The following NEGR1 variants were observed in gnomAD, a reference collection of about 807,000 sequenced individuals.
NEGR1 encodes the protein IgLON family member 4.
NEGR1 carries 10 observed loss-of-function variants against 40.9 expected under a neutral mutation model. The ratio of observed to expected loss-of-function variants is 0.24; its 90% CI spans 0.15 to 0.42. The LOEUF (loss-of-function observed/expected upper bound fraction) is 0.42, where lower values mean the gene tolerates loss of function less well. NEGR1 is among the 10% of genes least tolerant of loss of function. NEGR1 has a pLI of 1.00. For synonymous variants in NEGR1, 185 were observed against 166.8 expected (o/e 1.11, Z -0.84); for missense variants, 352 against 438.9 (o/e 0.80, Z 1.77).
chr1:71,612,421 T>C (rs1650293222), intron 4 of NEGR1, among the ~76,000 whole-genome samples: 1 of 152,100 alleles, frequency 6.6e-6, no homozygotes, highest in Non-Finnish European at 1.5e-5. Context: ...TTTTTTTTTA[T>C]CCTTCACATA....
At chr1:71,948,496 TGAGAGAGA>T (rs200382559) in intron 1 of NEGR1, among the ~76,000 whole-genome samples, 3 of 148,502 alleles carry the variant, frequency 2.0e-5, no homozygotes, top group African/African-American at 7.4e-5. Context: ...TGTGTGTGTG[TGAGAGAGA>T]GAGAGAGAGA....
chr1:72,173,313 T>A, intron 1 of NEGR1, among the ~76,000 whole-genome samples: 1 of 69,548 alleles, frequency 1.4e-5, no homozygotes, highest in African/African-American at 4.2e-5. Flanking sequence ...AGCCTGAAGG[T>A]CAAATTGTTA....
chr1:71,706,042 T>G (rs140144922), intron 3 of NEGR1, among the ~76,000 whole-genome samples: 111 of 152,308 alleles, frequency 7.3e-4, no homozygotes, highest in African/African-American at 2.5e-3. Context: ...GTACCTGGTT[T>G]TAACTTCATA....
At chr1:71,712,531 C>T (rs1052683655) in intron 3 of NEGR1, among the ~76,000 whole-genome samples, 1 of 152,100 alleles carries the variant, frequency 6.6e-6, no homozygotes, top group African/African-American at 2.4e-5. Flanking sequence ...TCTGTACTCC[C>T]AGTTCTGGCC....
intron 1 of NEGR1, among the ~76,000 whole-genome samples, chr1:72,239,251 C>G (rs1383722919): frequency 6.6e-6 from 1 of 151,790 alleles, no homozygotes; most frequent in African/African-American, 2.4e-5. Flanking sequence ...ATCAAAGATG[C>G]TTTATCCCTA....
intron 5 of NEGR1, among the ~76,000 whole-genome samples, chr1:71,600,973 C>T (rs375017499): frequency 6.2e-4 from 94 of 152,304 alleles, no homozygotes; most frequent in African/African-American, 2.1e-3. Flanking sequence ...GTGTTCCAGC[C>T]TCAGCCAGTG....
At chr1:71,681,641 T>C (rs1471035021) in intron 4 of NEGR1, among the ~76,000 whole-genome samples, 2 of 152,208 alleles carry the variant, frequency 1.3e-5, no homozygotes, top group African/African-American at 4.8e-5. Flanking sequence ...AATTTTAAAA[T>C]AAACCTGGAA....
At chr1:72,050,489 A>T (rs1328175458) in intron 1 of NEGR1, among the ~76,000 whole-genome samples, 1 of 151,540 alleles carries the variant, frequency 6.6e-6, no homozygotes, top group Non-Finnish European at 1.5e-5. Flanking sequence ...ACCTTAAAGA[A>T]TTGCTTTATT....
At chr1:72,138,959 T>C (rs1039471987) in intron 1 of NEGR1, among the ~76,000 whole-genome samples, 1 of 152,002 alleles carries the variant, frequency 6.6e-6, no homozygotes. Context: ...GTCATAAAAA[T>C]GTCTCAATAA....
chr1:72,210,001 G>A (rs1212859774), intron 1 of NEGR1, among the ~76,000 whole-genome samples: 4 of 151,780 alleles, frequency 2.6e-5, no homozygotes, highest in Non-Finnish European at 4.4e-5. Flanking sequence ...TTATTCACTT[G>A]TATAAAATAA....
rs1646251409 is a variant in NEGR1, at chr1:71,402,259, A to G, written c.*5187T>C. On this transcript the variant is annotated 3_prime_UTR_variant, in exon 7 of 7. Coordinates refer to ENST00000357731, the MANE Select transcript of NEGR1 (RefSeq NM_173808.3). ...TAATATTTTCTCCTTTAAGTATTTG[A>G]AAGTGTTGAGAAAGCCACAATAGCA... The G allele has an allele frequency of 1.3e-5, 2 of 152,202 alleles. No individual in the cohort carries two copies. Among genetic ancestry groups the G allele is most frequent in the South Asian group, 4.1e-4 (2 of 4,830 alleles). The allele number at this position is 152,202 out of a possible 1,614,324, so 9.4% of individuals were successfully genotyped here.
chr1:71,481,540 A>T (rs1440128470), intron 6 of NEGR1, among the ~76,000 whole-genome samples: 1 of 151,918 alleles, frequency 6.6e-6, no homozygotes, highest in Non-Finnish European at 1.5e-5. Context: ...ATATTAAAAT[A>T]AAACAAAATT....
At chr1:72,016,223 A>G (rs547993222) in intron 1 of NEGR1, among the ~76,000 whole-genome samples, 1 of 152,178 alleles carries the variant, frequency 6.6e-6, no homozygotes, top group South Asian at 2.1e-4. Flanking sequence ...TGTTAAAAAA[A>G]TATAAGTGTA....
At chr1:71,479,612 G>A (rs188582715) in intron 6 of NEGR1, among the ~76,000 whole-genome samples, 6 of 151,982 alleles carry the variant, frequency 3.9e-5, no homozygotes, top group East Asian at 1.9e-4. Context: ...GTAAATATAC[G>A]CTTAAGGGAG....
chr1:71,588,341 A>G (rs1418019344), intron 6 of NEGR1, among the ~76,000 whole-genome samples: 2 of 152,132 alleles, frequency 1.3e-5, no homozygotes, highest in African/African-American at 4.8e-5. Flanking sequence ...ACTGTCATCC[A>G]TTATAAATTT....
intron 1 of NEGR1, among the ~76,000 whole-genome samples, chr1:72,269,518 C>T (rs998528010): frequency 2.6e-5 from 4 of 151,622 alleles, no homozygotes; most frequent in Non-Finnish European, 5.9e-5. Context: ...GACACACAGG[C>T]CTAGGATCAA....
chr1:71,442,370 T>G (rs971684083), intron 6 of NEGR1, among the ~76,000 whole-genome samples: 1 of 152,020 alleles, frequency 6.6e-6, no homozygotes, highest in Non-Finnish European at 1.5e-5. Flanking sequence ...ATACCAGCAC[T>G]TTGGGAGGCT....
At chr1:72,160,744 T>G (rs1288325230) in intron 1 of NEGR1, among the ~76,000 whole-genome samples, 1 of 152,166 alleles carries the variant, frequency 6.6e-6, no homozygotes, top group Non-Finnish European at 1.5e-5. Flanking sequence ...TGCTAAAAAT[T>G]ACTACTTTAT....
chr1:71,807,087 AG>A (rs1367983422), intron 2 of NEGR1, among the ~76,000 whole-genome samples: 5 of 151,600 alleles, frequency 3.3e-5, no homozygotes, highest in African/African-American at 1.2e-4. Context: ...TAGTAGAGAC[AG>A]GGTTTCACCG....
Sources: allele counts gnomAD v4.1 joint callset (sites outside exome capture counted in the v4.1 genomes callset), GRCh38; gene constraint gnomAD v4.1.1; transcripts MANE v1.5; gene names NCBI Gene and HGNC (gene_info 2026-07-23, HGNC 2026-07-21).